The following SLC24A2 variants were observed in gnomAD, a reference collection of about 807,000 sequenced individuals.
SLC24A2 encodes solute carrier family 24 member 2.
A neutral mutation model predicts 62.0 loss-of-function variants in SLC24A2; 36 were observed. The ratio of observed to expected loss-of-function variants is 0.58; its 90% CI spans 0.44 to 0.77. The LOEUF (loss-of-function observed/expected upper bound fraction) is 0.77. Ranked by LOEUF, SLC24A2 falls within the 30% of genes least tolerant of loss-of-function variation. The pLI is 0.00. For synonymous variants in SLC24A2, 358 were observed against 294.0 expected, an observed-to-expected ratio of 1.22 and a Z score of -2.23; for missense variants, 846 against 817.9, an observed-to-expected ratio of 1.03 and a Z score of -0.42.
At chr9:19,773,628 A>G (rs1822756347) in intron 2 of SLC24A2, among the ~76,000 whole-genome samples, 1 of 152,226 alleles carries the variant, frequency 6.6e-6, no homozygotes, top group South Asian at 2.1e-4. Context: ...TTGAAGCATT[A>G]AGCGCCCTTT....
the SLC24A2 span, among the ~76,000 whole-genome samples, chr9:19,914,528 G>C: frequency 0.013 from 1,985 of 151,986 alleles, 47 homozygotes; most frequent in African/African-American, 0.045. Flanking sequence ...GTCTAAAAAG[G>C]CTATCCTCAG....
At chr9:20,121,369 G>GA in the SLC24A2 span, among the ~76,000 whole-genome samples, 1 of 151,842 alleles carries the variant, frequency 6.6e-6, no homozygotes, top group Admixed American at 6.6e-5. Flanking sequence ...TATTATAAAT[G>GA]AAATTTTTAA....
chr9:19,653,554 G>A (rs1818858856), intron 2 of SLC24A2, among the ~76,000 whole-genome samples: 1 of 152,164 alleles, frequency 6.6e-6, no homozygotes, highest in Non-Finnish European at 1.5e-5. Context: ...CTTTCCAGGT[G>A]AAAAGTTGAT....
At chr9:19,883,892 T>A in the SLC24A2 span, among the ~76,000 whole-genome samples, 1 of 152,198 alleles carries the variant, frequency 6.6e-6, no homozygotes, top group African/African-American at 2.4e-5. Context: ...ATATGTACCA[T>A]ATATAGACAG....
At chr9:20,018,634 T>C in the SLC24A2 span, among the ~76,000 whole-genome samples, 1 of 152,202 alleles carries the variant, frequency 6.6e-6, no homozygotes, top group African/African-American at 2.4e-5. Context: ...AAAAAGTAAA[T>C]TTCAGATAAC....
chr9:20,122,351 C>T, the SLC24A2 span, among the ~76,000 whole-genome samples: 4 of 152,170 alleles, frequency 2.6e-5, no homozygotes, highest in Non-Finnish European at 4.4e-5. Context: ...GATTGCATTT[C>T]GATCCCAATG....
chr9:19,934,852 AAGG>A, the SLC24A2 span, among the ~76,000 whole-genome samples: 1 of 151,924 alleles, frequency 6.6e-6, no homozygotes, highest in Non-Finnish European at 1.5e-5. The surrounding 1 kb of genome is among the most constrained non-coding windows in gnomAD (Gnocchi z 4.1). Flanking sequence ...CCTCCAGGGA[AAGG>A]AGGAGCGGTG....
intron 2 of SLC24A2, among the ~76,000 whole-genome samples, chr9:19,719,440 G>A (rs1219012284): frequency 6.6e-6 from 1 of 152,156 alleles, no homozygotes; most frequent in Non-Finnish European, 1.5e-5. Flanking sequence ...CTCTCAGAGA[G>A]GAGTTCTGCC....
chr9:19,909,359 C>T, the SLC24A2 span, among the ~76,000 whole-genome samples: 8 of 152,016 alleles, frequency 5.3e-5, no homozygotes, highest in Admixed American at 2.0e-4. Flanking sequence ...GGAGGGATAG[C>T]ATTAGGAGAT....
chr9:19,869,567 T>C, the SLC24A2 span, among the ~76,000 whole-genome samples: 72 of 152,162 alleles, frequency 4.7e-4, 1 homozygote, highest in Non-Finnish European at 9.3e-4. Flanking sequence ...AAATTATAAT[T>C]TCAAAGTTAA....
At chr9:20,265,665 G>C in the SLC24A2 span, among the ~76,000 whole-genome samples, 1 of 152,162 alleles carries the variant, frequency 6.6e-6, no homozygotes, top group African/African-American at 2.4e-5. Flanking sequence ...TGAACAATAT[G>C]AAATCTGGGC....
the SLC24A2 span, among the ~76,000 whole-genome samples, chr9:20,067,031 G>T: frequency 3.6e-4 from 55 of 152,236 alleles, 1 homozygote; most frequent in African/African-American, 1.3e-3. Context: ...AATGTTTACA[G>T]TTTTGAAGTC....
At position 19,509,530 on chromosome 9, in the gene SLC24A2, G is replaced by T. The variant is rs926036364; in HGVS notation, c.*6623C>A. 1 of 152,046 alleles carries T rather than the reference G, an allele frequency of 6.6e-6. No individual in the cohort carries two copies. The highest frequency in any genetic ancestry group is 2.4e-5 in the African/African-American group (1 of 41,408). 9.4% of individuals were successfully genotyped at this position (152,046 alleles called of 1,614,324 possible). A position where few individuals can be genotyped will look rare whatever the true frequency, so the allele number is the denominator to read the frequency against. On this transcript the variant is annotated 3_prime_UTR_variant, in exon 11 of 11. Coordinates refer to ENST00000341998, the MANE Select transcript of SLC24A2 (RefSeq NM_020344.4). The stretch of plus-strand genomic sequence containing the variant: ...TTTAATTAAGACAGTTGTCTCTTAT[G>T]AAGTACTATAAAGTGCAATATTAAA...
At chr9:19,645,257 C>T (rs947025110) in intron 2 of SLC24A2, among the ~76,000 whole-genome samples, 1 of 152,154 alleles carries the variant, frequency 6.6e-6, no homozygotes, top group African/African-American at 2.4e-5. Flanking sequence ...TTGTAAAGAC[C>T]AAGCTATCTG....
the SLC24A2 span, among the ~76,000 whole-genome samples, chr9:19,863,229 C>T: frequency 6.6e-6 from 1 of 151,900 alleles, no homozygotes; most frequent in Non-Finnish European, 1.5e-5. Flanking sequence ...ACTGGAGCAC[C>T]CAGATACATA....
the SLC24A2 span, among the ~76,000 whole-genome samples, chr9:20,203,918 T>G: frequency 1.3e-5 from 2 of 152,212 alleles, no homozygotes; most frequent in African/African-American, 2.4e-5. Flanking sequence ...TCAACACGTA[T>G]TTAGTGTAGA....
At position 19,515,015 on chromosome 9, in the gene SLC24A2, G is replaced by C. The variant is rs1312177015; in HGVS notation, c.*1138C>G. On this transcript the variant is annotated 3_prime_UTR_variant, in exon 11 of 11. Transcript: ENST00000341998. ...CCCATTAGGTGGCAAGGCCCACTAA[G>C]CACCTTTACTGGATGACTTCTTATT... 1.3e-5 allele frequency: 2 copies of C among 152,190 alleles called. No homozygotes were observed. Among genetic ancestry groups the C allele is most frequent in the African/African-American group, 4.8e-5 (2 of 41,446 alleles). The allele number at this position is 152,190 out of a possible 1,614,324, so 9.4% of individuals were successfully genotyped here. A position where few individuals can be genotyped will look rare whatever the true frequency, so the allele number is the denominator to read the frequency against.
At chr9:20,029,431 G>T in the SLC24A2 span, among the ~76,000 whole-genome samples, 7 of 152,184 alleles carry the variant, frequency 4.6e-5, no homozygotes, top group Admixed American at 3.9e-4. Flanking sequence ...ACCATGTGAG[G>T]TAAGAACTCT....
In SLC24A2 at chr9:19,576,909, T is replaced by A. The variant is rs1194379106; in HGVS notation, c.1228+15A>T. On this transcript the variant is annotated intron_variant, in intron 6 of 10. Coordinates refer to ENST00000341998, the MANE Select transcript of SLC24A2 (RefSeq NM_020344.4). The stretch of plus-strand genomic sequence containing the variant: ...CCCCAGGAAAGGTATGGGGTGGATG[T>A]TTCCCTGCACTCACCCACGTGGTTG... The A allele has an allele frequency of 6.3e-7, 1 of 1,592,080 alleles. No individual in the cohort carries two copies. Among genetic ancestry groups the A allele is most frequent in the East Asian group, 2.2e-5 (1 of 44,750 alleles).
Sources: gnomAD v4.1 joint callset for allele counts (sites outside exome capture counted in the v4.1 genomes callset) on GRCh38, gnomAD v4.1.1 for gene constraint, Gnocchi (gnomAD v3.1) non-coding constraint, MANE v1.5 for transcripts, NCBI Gene and HGNC (gene_info 2026-07-23, HGNC 2026-07-21) for gene names.